GALC: variants seen among roughly 807,000 people sequenced by gnomAD.
GALC encodes the protein galactocerebrosidase.
Under a neutral mutation model 91.8 loss-of-function variants are expected in GALC, and 77 were observed. The ratio of observed to expected loss-of-function variants is 0.84; its 90% CI spans 0.70 to 1.01. The LOEUF is 1.01. GALC is among the 50% of genes least tolerant of loss of function. The probability of loss-of-function intolerance (pLI) is 0.00; values close to 1 mark genes in which losing one functional copy is unlikely to be tolerated. For synonymous variants in GALC, 357 were observed against 306.7 expected (o/e 1.16, Z -1.71); for missense variants, 882 against 855.9 (o/e 1.03, Z -0.38).
intron 10 of GALC, chr14:87,953,920 T>C (rs1885411797): frequency 2.5e-6 from 4 of 1,610,210 alleles, no homozygotes; most frequent in South Asian, 1.1e-5. Flanking sequence ...GTTACAGTAA[T>C]TGATCAATCA....
intron 1 of GALC, chr14:87,992,356 T>G (rs1489522815): frequency 1.3e-6 from 2 of 1,535,662 alleles, no homozygotes; most frequent in East Asian, 2.4e-5. Context: ...ACCCGGTAGT[T>G]TCAGGCCGCT....
chr14:87,953,863 A>C, intron 10 of GALC: 1 of 1,610,160 alleles, frequency 6.2e-7, no homozygotes, highest in Non-Finnish European at 8.5e-7. Context: ...AAGGAAATAA[A>C]CATAAAATTC....
At chr14:87,962,328 G>A (rs1472751342) in intron 10 of GALC, among the ~76,000 whole-genome samples, 1 of 148,278 alleles carries the variant, frequency 6.7e-6, no homozygotes, top group Non-Finnish European at 1.5e-5. Flanking sequence ...TAGATTCTGG[G>A]AGGGCTGCAT....
chr14:87,961,864 T>TAAAC (rs202189738), intron 10 of GALC, among the ~76,000 whole-genome samples: 10 of 152,254 alleles, frequency 6.6e-5, no homozygotes, highest in South Asian at 2.1e-4. Context: ...AGAAGACAAT[T>TAAAC]AAACAAACAA....
intron 9 of GALC, among the ~76,000 whole-genome samples, 170 bp from the exon 10 acceptor site, chr14:87,963,681 A>G (rs770592558): frequency 6.6e-6 from 1 of 152,136 alleles, no homozygotes; most frequent in Non-Finnish European, 1.5e-5. Flanking sequence ...TAAATAATTA[A>G]TCTAGATAAA....
intron 14 of GALC, among the ~76,000 whole-genome samples, chr14:87,945,129 A>AATAG (rs79897156): frequency 0.89 from 134,733 of 151,950 alleles, 60,155 homozygotes; most frequent in South Asian, 0.97. Context: ...TCACCTGGTA[A>AATAG]ATCTTTTAAT....
intron 10 of GALC, chr14:87,954,466 T>G (rs974110243): frequency 6.3e-7 from 1 of 1,584,556 alleles, no homozygotes; most frequent in Non-Finnish European, 8.6e-7. Flanking sequence ...TTTGGGAATT[T>G]AAATATCTTT....
At chr14:87,950,382 C>T (rs1212751120) in intron 11 of GALC, among the ~76,000 whole-genome samples, 2 of 151,652 alleles carry the variant, frequency 1.3e-5, no homozygotes, top group Admixed American at 1.3e-4. Flanking sequence ...CTTGAAAGTT[C>T]CCTAGACCAT....
At chr14:87,983,091 G>C (rs1886814209) in intron 5 of GALC, among the ~76,000 whole-genome samples, 1 of 152,124 alleles carries the variant, frequency 6.6e-6, no homozygotes, top group African/African-American at 2.4e-5. Context: ...TGTAATCCCA[G>C]CACTTTGGGA....
At chr14:87,985,606 T>C (rs1376030054) in intron 4 of GALC, among the ~76,000 whole-genome samples, 5 of 152,242 alleles carry the variant, frequency 3.3e-5, no homozygotes, top group Non-Finnish European at 5.9e-5. Flanking sequence ...CCTAATTTCT[T>C]TTAACTTAGA....
At chr14:87,951,618 AG>A in intron 10 of GALC, among the ~76,000 whole-genome samples, 6 of 152,110 alleles carry the variant, frequency 3.9e-5, no homozygotes, top group African/African-American at 1.4e-4. Flanking sequence ...AAATACAGGA[AG>A]ATTCAAGTCA....
chr14:87,963,472 A>C lies in GALC; in HGVS notation c.1073T>G (p.Leu358Arg). 6.2e-7 allele frequency: 1 copy of C among 1,613,132 alleles called. No individual in the cohort carries two copies. Among genetic ancestry groups the C allele is most frequent in the South Asian group, 1.1e-5 (1 of 91,070 alleles). Reference protein sequence around the residue: ...TQFTQPGWYYLKTVGHLEKGG... With the variant: ...TQFTQPGWYYRKTVGHLEKGG... ...TTTCTCTAAATGGCCAACTGTCTTC[A>C]GGTAATACCAGCCAGGTTGAGTAAA... is the stretch of plus-strand genomic sequence containing the variant. Residue 358 changes from leucine to arginine, a missense_variant, in exon 10 of 17, where the codon CTG (leucine) becomes CGG (arginine). Physicochemically the swap from Leu to Arg is moderately radical, Grantham distance 102 (BLOSUM62 -2). Transcript: ENST00000261304.
intron 15 of GALC, 60 bp from the exon 16 acceptor site, chr14:87,940,041 T>C: frequency 1.5e-6 from 2 of 1,343,476 alleles, no homozygotes; most frequent in South Asian, 1.2e-5. Context: ...CACAGAATCA[T>C]ATAATTCAGT....
At position 87,986,486 on chromosome 14, in the gene GALC, T is replaced by C; in HGVS notation, c.442+3A>G. ...AAGAAACATTGCAAACTTCATTTCT[T>C]ACCAATGAGTGTAATATTGGGATTC... On this transcript the variant is annotated splice_donor_region_variant and intron_variant, in intron 4 of 16. Transcript: ENST00000261304. 6.5e-7 allele frequency: 1 copy of C among 1,537,932 alleles called. No homozygotes were observed. Among genetic ancestry groups the C allele is most frequent in the Non-Finnish European group, 9.0e-7 (1 of 1,110,760 alleles).
Position 87,992,592 on chromosome 14 carries a change from C to T in GALC, c.195+378G>A, listed in dbSNP as rs971567269. The T allele has an allele frequency of 7.5e-6, 11 of 1,463,590 alleles. No homozygotes were observed. The African/African-American group carries it at 1.6e-4, about 21-fold the overall frequency. The allele number at this position is 1,463,590 out of a possible 1,614,324, so 90.7% of individuals were successfully genotyped here. On this transcript the variant is annotated intron_variant, in intron 1 of 16. Coordinates refer to ENST00000261304, the MANE Select transcript of GALC (RefSeq NM_000153.4). ...CACGGACGCTCCCGCACTCCCTGGC[C>T]CTTTCTGGAGCGACGCTCCCCGACT...
At chr14:87,940,005 A>T (rs892784062) in intron 15 of GALC, 24 bp from the exon 16 acceptor site, 2 of 1,549,306 alleles carry the variant, frequency 1.3e-6, no homozygotes, top group South Asian at 2.2e-5. Flanking sequence ...ATATTATCCC[A>T]ATAGATATAA....
intron 1 of GALC, 113 bp from the exon 2 acceptor site, chr14:87,988,636 A>G: frequency 1.2e-6 from 1 of 822,980 alleles, no homozygotes; most frequent in East Asian, 2.4e-5. Flanking sequence ...AGGCAAGGTC[A>G]GGCTGAGGAA....
intron 16 of GALC, among the ~76,000 whole-genome samples, chr14:87,935,492 G>C (rs1415356571): frequency 1.3e-5 from 2 of 152,050 alleles, no homozygotes; most frequent in Non-Finnish European, 2.9e-5. Context: ...AGGGTGCAGC[G>C]GGTGGAAGAA....
In GALC at chr14:87,934,630, A is replaced by T. The variant is rs1480102277; in HGVS notation, c.*102T>A. Reference sequence around the variant, plus strand: ...TTTACTCTTCATTATTTTTAGTCTCAAAAGCCTCATATACTGTTCCAATGA... The same window carrying T: ...TTTACTCTTCATTATTTTTAGTCTCTAAAGCCTCATATACTGTTCCAATGA... On this transcript the variant is annotated 3_prime_UTR_variant, in exon 17 of 17. Coordinates refer to ENST00000261304, the MANE Select transcript of GALC (RefSeq NM_000153.4). 1.9e-6 allele frequency: 3 copies of T among 1,594,938 alleles called. No individual in the cohort carries two copies. The highest frequency in any genetic ancestry group is 2.6e-6 in the Non-Finnish European group (3 of 1,172,112).
Sources: gnomAD v4.1 joint callset for allele counts (sites outside exome capture counted in the v4.1 genomes callset) on GRCh38, gnomAD v4.1.1 for gene constraint, MANE v1.5 for transcripts, NCBI Gene and HGNC (gene_info 2026-07-23, HGNC 2026-07-21) for gene names.